The following SETX variants were observed in gnomAD, a reference collection of about 807,000 sequenced individuals.
SETX encodes the protein helicase senataxin.
Under a neutral mutation model 227.2 loss-of-function variants are expected in SETX, and 90 were observed. That is an observed-to-expected ratio of 0.40 (90% CI 0.33 to 0.47). The LOEUF is 0.47. Among genes scored for constraint, SETX ranks in the 20% least tolerant of loss-of-function variants. The pLI is 0.91. For synonymous variants in SETX, 1,210 were observed against 1,113.2 expected (o/e 1.09, Z -1.73); for missense variants, 3,052 against 3,181.5 (o/e 0.96, Z 0.98).
At chr9:132,339,516 A>C (rs1251234992) in intron 5 of SETX, among the ~76,000 whole-genome samples, 1 of 152,240 alleles carries the variant, frequency 6.6e-6, no homozygotes, top group African/African-American at 2.4e-5. Context: ...TATTTCCTGC[A>C]AAGAGTTTGA....
At chr9:132,286,279 C>T in intron 18 of SETX, 144 bp downstream of exon 18, 2 of 644,392 alleles carry the variant, frequency 3.1e-6, no homozygotes, top group Non-Finnish European at 2.7e-6. Flanking sequence ...GAGATCATGC[C>T]ACTGCACCCC....
chr9:132,335,965 GGC>G, intron 6 of SETX, among the ~76,000 whole-genome samples: 1 of 152,174 alleles, frequency 6.6e-6, no homozygotes, highest in South Asian at 2.1e-4. Context: ...TACAGGGCCG[GGC>G]GCGGTAGCTC....
rs376630243 is a variant in SETX at position 132,271,812 on chromosome 9, T to C, written c.7101-4A>G. 1.9e-6 allele frequency: 3 copies of C among 1,609,336 alleles called. No homozygotes were observed. The highest frequency in any genetic ancestry group is 1.1e-5 in the South Asian group (1 of 90,986). ...CACAGTGTCTACTTCTGCTGGTCTA[T>C]TTACAAAAGAGAAACATATTTACTG... On this transcript the variant is annotated splice_polypyrimidine_tract_variant and splice_region_variant and intron_variant, in intron 23 of 25. Coordinates refer to ENST00000224140, the MANE Select transcript of SETX (RefSeq NM_015046.7).
At chr9:132,342,270 C>T (rs1848022921) in intron 5 of SETX, among the ~76,000 whole-genome samples, 1 of 152,208 alleles carries the variant, frequency 6.6e-6, no homozygotes, top group African/African-American at 2.4e-5. Flanking sequence ...CCTTCTTCAT[C>T]TCTAGCACCA....
upstream of SETX, among the ~76,000 whole-genome samples, chr9:132,355,213 G>C (rs562044834): frequency 3.9e-5 from 6 of 152,132 alleles, no homozygotes; most frequent in Admixed American, 1.3e-4. Flanking sequence ...CGTCAGGGTG[G>C]ACGGGGAGAG....
chr9:132,283,124 G>A (rs1843635807), intron 19 of SETX, 140 bp downstream of exon 19: 1 of 1,040,868 alleles, frequency 9.6e-7, no homozygotes, highest in African/African-American at 1.6e-5. Flanking sequence ...TTCTACATAA[G>A]GGAATACACA....
Position 132,330,054 on chromosome 9 carries a change from G to A in SETX, c.1544C>T (p.Thr515Ile), listed in dbSNP as rs201063512. Residue 515 changes from threonine to isoleucine, a missense_variant, in exon 10 of 26, where the codon ACA becomes ATA. This residue lies in a region of SETX where 179 missense variants were observed against 197.1 expected (regional missense o/e 0.91). Transcript: ENST00000224140. ...CAATGACAGTGAAGATATCATTGCT[G>A]TTCCTTTGGAGCAATTTCCAGATGA... is the stretch of plus-strand genomic sequence containing the variant. ...EKSSGNCSKG[T>I]AMISSLSLHS... 4.3e-6 allele frequency: 7 copies of A among 1,614,122 alleles called. No homozygotes were observed. In the Middle Eastern group the frequency reaches 4.9e-4, roughly 114 times the overall value.
At chr9:132,344,226 T>C (rs1033748702) in intron 4 of SETX, among the ~76,000 whole-genome samples, 1 of 152,132 alleles carries the variant, frequency 6.6e-6, no homozygotes, top group African/African-American at 2.4e-5. Context: ...GTTTTTGGGT[T>C]TTTTAGAGAC....
chr9:132,288,426 A>T (rs1844060548), intron 16 of SETX, 75 bp from the exon 17 acceptor site: 3 of 1,424,154 alleles, frequency 2.1e-6, no homozygotes, highest in Non-Finnish European at 2.9e-6. Context: ...CAACACAATG[A>T]GAAGGAAAAT....
At chr9:132,267,809 C>T (rs948028968) in intron 25 of SETX, among the ~76,000 whole-genome samples, 1 of 152,188 alleles carries the variant, frequency 6.6e-6, no homozygotes, top group Non-Finnish European at 1.5e-5. Flanking sequence ...CCCATGTCCT[C>T]CTTGGGCTGC....
At chr9:132,335,350 G>C (rs144639444) in intron 6 of SETX, among the ~76,000 whole-genome samples, 5,902 of 133,200 alleles carry the variant, frequency 0.044, 280 homozygotes, top group East Asian at 0.27. Context: ...GAGATCGCGC[G>C]ACTGCACTCC....
intron 23 of SETX, among the ~76,000 whole-genome samples, chr9:132,273,057 A>G (rs1842974460): frequency 6.6e-6 from 1 of 152,036 alleles, no homozygotes; most frequent in African/African-American, 2.4e-5. Flanking sequence ...ACTTAGGAAG[A>G]CCTTGTCTCT....
intron 15 of SETX, among the ~76,000 whole-genome samples, chr9:132,293,155 T>C (rs1381796175): frequency 6.6e-6 from 1 of 152,172 alleles, no homozygotes; most frequent in Admixed American, 6.5e-5. Flanking sequence ...TACTATAATT[T>C]ACCATATTAA....
Position 132,275,389 on chromosome 9 carries a change from C to T in SETX, c.6967G>A (p.Val2323Met). 1.2e-6 allele frequency: 2 copies of T among 1,605,034 alleles called. No homozygotes were observed. The highest frequency in any genetic ancestry group is 1.7e-6 in the Non-Finnish European group (2 of 1,172,202). ...TTAATAAGCTTAATTATTTCCATCACCAGTTTTATTTCTTGAACATTTATA... is the reference window on the plus strand; with the variant it reads ...TTAATAAGCTTAATTATTTCCATCATCAGTTTTATTTCTTGAACATTTATA... Reference protein sequence around the residue: ...SYINVQEIKLVMEIIKLIKDK... With the variant: ...SYINVQEIKLMMEIIKLIKDK... Residue 2323 changes from valine (V) to methionine (M), a missense_variant, in exon 23 of 26, where the codon GTG (valine) becomes ATG (methionine). Val to Met is a conservative substitution (Grantham distance 21, BLOSUM62 1). Transcript: ENST00000224140.
In SETX at chr9:132,265,222, TTG is replaced by T. The variant is rs1491198305; in HGVS notation, c.7288-239_7288-238del. On this transcript the variant is annotated intron_variant, in intron 25 of 25. Transcript: ENST00000224140. Reference sequence around the variant, plus strand: ...AACCTATAATGGAGAACTTCAACTTTTGTTTTTTTTTTTTTTTTTTTTGAGAC... The same window carrying T: ...AACCTATAATGGAGAACTTCAACTTTTTTTTTTTTTTTTTTTTTTTGAGAC... Among the ~76,000 whole-genome samples, 512 of 134,962 alleles carry T rather than the reference TTG, an allele frequency of 3.8e-3. 2 individuals are homozygous for T. The highest frequency in any genetic ancestry group is 0.016 in the African/African-American group (488 of 30,772). 88.5% of individuals were successfully genotyped at this position (134,962 alleles called of 152,430 possible).
chr9:132,280,113 A>G (rs1843414411), intron 20 of SETX, among the ~76,000 whole-genome samples: 1 of 152,232 alleles, frequency 6.6e-6, no homozygotes, highest in Non-Finnish European at 1.5e-5. Flanking sequence ...ATACTGAAAA[A>G]GACGAATAAA....
chr9:132,299,286 A>G (rs1564505628), intron 12 of SETX, among the ~76,000 whole-genome samples: 1 of 152,210 alleles, frequency 6.6e-6, no homozygotes, highest in Non-Finnish European at 1.5e-5. Context: ...TAACTTTTGG[A>G]CTAGTGGATT....
At chr9:132,339,099 T>C (rs1847814901) in intron 5 of SETX, among the ~76,000 whole-genome samples, 1 of 152,198 alleles carries the variant, frequency 6.6e-6, no homozygotes, top group African/African-American at 2.4e-5. Context: ...TCACTCTCTT[T>C]ATGGTATTTT....
In SETX at chr9:132,349,423, G is replaced by A; in HGVS notation, c.6C>T (p.Ser2=). Residue 2 remains serine (S), a synonymous_variant, in exon 3 of 26, where the codon AGC becomes AGT. Transcript: ENST00000224140. ...CACCTGGCGTACACCAACAACATGT[G>A]CTCATTCTGTACCTACAGCCAGAAA... M[S]TCCWCTPGGA... is the part of the protein sequence containing the mutation. 1 of 1,614,150 alleles carries A rather than the reference G, an allele frequency of 6.2e-7. No homozygotes were observed. The highest frequency in any genetic ancestry group is 8.5e-7 in the Non-Finnish European group (1 of 1,180,040).
Sources: gnomAD v4.1 joint callset for allele counts (sites outside exome capture counted in the v4.1 genomes callset) on GRCh38, gnomAD v4.1.1 for gene constraint, gnomAD v4.1.1 regional missense constraint, MANE v1.5 for transcripts, NCBI Gene and HGNC (gene_info 2026-07-23, HGNC 2026-07-21) for gene names.